Variants in LHFPL7 observed in about 807,000 individuals in gnomAD.
LHFPL7 encodes the protein LHFPL tetraspan subfamily member 7.
the LHFPL7 span, among the ~76,000 whole-genome samples, chr22:24,940,520 C>T: frequency 2.0e-5 from 3 of 151,148 alleles, no homozygotes; most frequent in African/African-American, 7.3e-5. Flanking sequence ...GGCGTGAACC[C>T]GGGAGGCGGA....
chr22:24,935,382 A>G, the LHFPL7 span: 1 of 1,596,160 alleles, frequency 6.3e-7, no homozygotes, highest in Non-Finnish European at 8.5e-7. Context: ...GGCACTGGAG[A>G]AGATGATGGT....
chr22:24,945,859 A>G, the LHFPL7 span, among the ~76,000 whole-genome samples: 14 of 152,242 alleles, frequency 9.2e-5, no homozygotes, highest in African/African-American at 3.4e-4. Flanking sequence ...CAGCCAGGTA[A>G]GTCCAATTTC....
chr22:24,945,985 T>G, the LHFPL7 span, among the ~76,000 whole-genome samples: 1 of 152,198 alleles, frequency 6.6e-6, no homozygotes, highest in East Asian at 1.9e-4. Context: ...ACTTAACCCT[T>G]TGATGCATTC....
chr22:24,938,862 A>G, the LHFPL7 span, among the ~76,000 whole-genome samples: 1 of 152,194 alleles, frequency 6.6e-6, no homozygotes, highest in Non-Finnish European at 1.5e-5. Context: ...TGGCCAGGTA[A>G]GAGCGTGCAG....
the LHFPL7 span, among the ~76,000 whole-genome samples, chr22:24,943,498 C>T: frequency 6.6e-6 from 1 of 152,140 alleles, no homozygotes; most frequent in Admixed American, 6.6e-5. Flanking sequence ...CACCAGGCTT[C>T]GGTCTAAGCA....
At chr22:24,944,577 A>G in the LHFPL7 span, among the ~76,000 whole-genome samples, 1 of 152,094 alleles carries the variant, frequency 6.6e-6, no homozygotes, top group Non-Finnish European at 1.5e-5. Flanking sequence ...TAGCAGAGAT[A>G]AGGTCTTGCT....
chr22:24,936,912 GC>G, the LHFPL7 span, among the ~76,000 whole-genome samples: 4 of 102,410 alleles, frequency 3.9e-5, no homozygotes, highest in South Asian at 3.4e-4. Flanking sequence ...TCCAACCCCC[GC>G]CCCCCCCGCC....
At chr22:24,936,005 A>G in the LHFPL7 span, among the ~76,000 whole-genome samples, 1 of 151,604 alleles carries the variant, frequency 6.6e-6, no homozygotes, top group Non-Finnish European at 1.5e-5. Flanking sequence ...CCATTCATTC[A>G]TTGTTCATCC....
At chr22:24,940,636 C>CCCGTCCTTCCTTCCTTCCTTCCTTCCTT in the LHFPL7 span, among the ~76,000 whole-genome samples, 1 of 61,080 alleles carries the variant, frequency 1.6e-5, no homozygotes, top group African/African-American at 6.1e-5. Context: ...CATATGCCCG[C>CCCGTCCTTCCTTCCTTCCTTCCTTCCTT]CCTTCCTTCC....
chr22:24,938,730 C>G, the LHFPL7 span, among the ~76,000 whole-genome samples: 1 of 152,038 alleles, frequency 6.6e-6, no homozygotes, highest in Non-Finnish European at 1.5e-5. Flanking sequence ...TATATTCTTC[C>G]TTAGAGGTGC....
chr22:24,936,316 C>G, the LHFPL7 span, among the ~76,000 whole-genome samples: 4 of 152,228 alleles, frequency 2.6e-5, no homozygotes, highest in Non-Finnish European at 5.9e-5. Flanking sequence ...CAACTATATT[C>G]CATTCTATCA....
chr22:24,944,548 G>A, the LHFPL7 span, among the ~76,000 whole-genome samples: 1 of 152,060 alleles, frequency 6.6e-6, no homozygotes, highest in South Asian at 2.1e-4. Context: ...ATGAGGGTAG[G>A]AAAGAGCGGT....
At chr22:24,935,279 T>G in the LHFPL7 span, 1 of 1,560,152 alleles carries the variant, frequency 6.4e-7, no homozygotes, top group Non-Finnish European at 8.7e-7. Flanking sequence ...GTTGGCTACA[T>G]GATGATTTCA....
chr22:24,946,311 A>G, the LHFPL7 span, among the ~76,000 whole-genome samples: 1 of 152,176 alleles, frequency 6.6e-6, no homozygotes, highest in African/African-American at 2.4e-5. Flanking sequence ...CTGTCTCAAA[A>G]AAAGAAAAAC....
At chr22:24,936,135 C>T in the LHFPL7 span, among the ~76,000 whole-genome samples, 5 of 152,096 alleles carry the variant, frequency 3.3e-5, no homozygotes, top group African/African-American at 4.8e-5. Flanking sequence ...ACACTTCCAC[C>T]CTTCTGTCCA....
the LHFPL7 span, among the ~76,000 whole-genome samples, chr22:24,939,726 G>A: frequency 6.6e-6 from 1 of 151,990 alleles, no homozygotes; most frequent in Non-Finnish European, 1.5e-5. Context: ...GTCTGGTAGT[G>A]GGGGTTACTT....
the LHFPL7 span, among the ~76,000 whole-genome samples, chr22:24,942,941 C>A: frequency 9.1e-6 from 1 of 110,236 alleles, no homozygotes; most frequent in African/African-American, 3.6e-5. Context: ...GTGTGTGTTG[C>A]TGGGGGAGGG....
the LHFPL7 span, among the ~76,000 whole-genome samples, chr22:24,936,534 A>C: frequency 1.6e-4 from 24 of 152,196 alleles, no homozygotes; most frequent in Non-Finnish European, 2.9e-4. Context: ...GTGGGCATTA[A>C]TGATACTAAT....
the LHFPL7 span, among the ~76,000 whole-genome samples, chr22:24,945,192 C>T: frequency 1.8e-4 from 27 of 152,268 alleles, no homozygotes; most frequent in African/African-American, 5.5e-4. Context: ...CATGAGCCAC[C>T]GTGCCTAGCC....
Sources: gnomAD v4.1 joint callset for allele counts (sites outside exome capture counted in the v4.1 genomes callset) on GRCh38, gnomAD v4.1.1 for gene constraint, MANE v1.5 for transcripts, NCBI Gene and HGNC (gene_info 2026-07-23, HGNC 2026-07-21) for gene names.